The following SAMD3 variants were observed in gnomAD, a reference collection of about 807,000 sequenced individuals.
SAMD3 encodes sterile alpha motif domain-containing protein 3.
Under a neutral mutation model 58.5 loss-of-function variants are expected in SAMD3, and 63 were observed. That is an observed-to-expected ratio of 1.08 (90% CI 0.88 to 1.33). The LOEUF (loss-of-function observed/expected upper bound fraction) is 1.33. Ranked by LOEUF, SAMD3 falls within the 40% of genes most tolerant of loss-of-function variation. SAMD3 has a pLI of 0.00. For missense variants in SAMD3, 604 were observed against 608.4 expected, an observed-to-expected ratio of 0.99 and a Z score of 0.08; for synonymous variants, 220 against 210.3, an observed-to-expected ratio of 1.05 and a Z score of -0.40.
At chr6:130,290,247 A>C (rs894383661) in intron 2 of SAMD3, among the ~76,000 whole-genome samples, 2 of 152,172 alleles carry the variant, frequency 1.3e-5, no homozygotes, top group Admixed American at 1.3e-4. Flanking sequence ...AAATCCATAA[A>C]CAGGAGAGCA....
At chr6:130,168,647 A>T (rs889930802) in intron 8 of SAMD3, among the ~76,000 whole-genome samples, 9 of 151,946 alleles carry the variant, frequency 5.9e-5, no homozygotes, top group Admixed American at 1.3e-4. Flanking sequence ...GAATGGCCAG[A>T]CTCCTGTGTC....
intron 9 of SAMD3, among the ~76,000 whole-genome samples, chr6:130,152,023 GCC>G (rs1491217714): frequency 6.6e-6 from 1 of 152,026 alleles, no homozygotes; most frequent in African/African-American, 2.4e-5. Context: ...ATTTTTAAAT[GCC>G]TTGTTGAAAG....
chr6:130,245,338 A>G (rs961519935), intron 2 of SAMD3, among the ~76,000 whole-genome samples: 1 of 152,232 alleles, frequency 6.6e-6, no homozygotes, highest in African/African-American at 2.4e-5. Flanking sequence ...TGACACTTTT[A>G]TATTTCATCT....
intron 2 of SAMD3, among the ~76,000 whole-genome samples, chr6:130,277,596 G>C (rs112189244): frequency 6.6e-6 from 1 of 151,976 alleles, no homozygotes; most frequent in Non-Finnish European, 1.5e-5. Flanking sequence ...TATAACTCCT[G>C]TTCATCCTTA....
At chr6:130,184,754 A>G in intron 5 of SAMD3, 131 bp from the exon 6 acceptor site, 1 of 657,592 alleles carries the variant, frequency 1.5e-6, no homozygotes, top group South Asian at 2.2e-5. Context: ...TCATCAAGCC[A>G]TCTTCCATCC....
In SAMD3 at chr6:130,184,180, T is replaced by C; in HGVS notation, c.577A>G (p.Ser193Gly). ...ACCACGTCATTGTACTGCTGGGTGCTGGGGTACCTGTTCACCAAAACAAGG... is the reference window on the plus strand; with the variant it reads ...ACCACGTCATTGTACTGCTGGGTGCCGGGGTACCTGTTCACCAAAACAAGG... ...TKYLEGSLYP[S>G]TQQYNDVVNA... The change falls in exon 7 of 12, where the codon AGC (serine) becomes GGC (glycine). Residue 193 changes from serine (S) to glycine (G), a missense_variant. By Grantham distance (56) the Ser-to-Gly change is moderately conservative. Coordinates refer to ENST00000439090, the MANE Select transcript of SAMD3 (RefSeq NM_001017373.4). 1 of 1,606,184 alleles carries C rather than the reference T, an allele frequency of 6.2e-7. No homozygotes were observed. The highest frequency in any genetic ancestry group is 8.5e-7 in the Non-Finnish European group (1 of 1,174,944).
At chr6:130,159,616 G>C (rs1378643163) in intron 8 of SAMD3, 1 of 152,138 alleles carries the variant, frequency 6.6e-6, no homozygotes, top group Non-Finnish European at 1.5e-5. Context: ...CAGAAGCACT[G>C]ATCATAAGAC....
intron 2 of SAMD3, among the ~76,000 whole-genome samples, chr6:130,310,741 G>C (rs1299968533): frequency 6.6e-6 from 1 of 152,158 alleles, no homozygotes; most frequent in Non-Finnish European, 1.5e-5. Flanking sequence ...TATCTCAGAG[G>C]CTTAAGGATC....
At chr6:130,252,402 T>C (rs1773769295) in intron 2 of SAMD3, among the ~76,000 whole-genome samples, 1 of 152,184 alleles carries the variant, frequency 6.6e-6, no homozygotes, top group Non-Finnish European at 1.5e-5. Flanking sequence ...CTGAAATAGA[T>C]ATTTGTTCAT....
intron 9 of SAMD3, among the ~76,000 whole-genome samples, chr6:130,151,733 G>T (rs1789210106): frequency 6.6e-6 from 1 of 152,160 alleles, no homozygotes; most frequent in African/African-American, 2.4e-5. Context: ...GAGCCACCAT[G>T]CCTGGCCGAT....
chr6:130,215,238 C>T lies in SAMD3; in HGVS notation c.36G>A (p.Trp12Ter), dbSNP rs1795931976. 3 of 1,611,434 alleles carry T rather than the reference C, an allele frequency of 1.9e-6. No homozygotes were observed. Among genetic ancestry groups the T allele is most frequent in the South Asian group, 2.2e-5 (2 of 90,840 alleles). ...ETWSVEQVCS[W>*]LVEKNLGELV... ...GCTCTCCTAAATTTTTCTCCACCAA[C>T]CAACTGCAGACCTGCTCAACTGACC... Residue 12 changes from tryptophan (W) to a stop codon, truncating the protein, a stop_gained, in exon 3 of 12, where the codon TGG becomes TGA. Transcript: ENST00000439090. LOFTEE classifies it high-confidence loss of function.
At chr6:130,189,281 G>A (rs1052109335) in intron 5 of SAMD3, among the ~76,000 whole-genome samples, 5 of 152,026 alleles carry the variant, frequency 3.3e-5, no homozygotes, top group South Asian at 2.1e-4. Context: ...CTGAGATGAC[G>A]GGATTGGTAT....
intron 7 of SAMD3, among the ~76,000 whole-genome samples, chr6:130,178,274 G>T (rs897595313): frequency 6.6e-6 from 1 of 151,968 alleles, no homozygotes; most frequent in African/African-American, 2.4e-5. Context: ...CCACGCGCCC[G>T]GCTGGCCCAA....
intron 2 of SAMD3, among the ~76,000 whole-genome samples, chr6:130,273,630 C>T (rs1217703236): frequency 6.7e-6 from 1 of 149,014 alleles, no homozygotes. Context: ...AGTCTTTATT[C>T]TCTTTCTCTT....
At chr6:130,318,591 G>T (rs897992277) in intron 1 of SAMD3, among the ~76,000 whole-genome samples, 1 of 152,046 alleles carries the variant, frequency 6.6e-6, no homozygotes, top group South Asian at 2.1e-4. Context: ...ACCATGCTCA[G>T]CTAATTTTTG....
intron 2 of SAMD3, among the ~76,000 whole-genome samples, chr6:130,259,160 A>G (rs1419677302): frequency 6.6e-6 from 1 of 152,110 alleles, no homozygotes; most frequent in East Asian, 1.9e-4. Flanking sequence ...GAGCAAAGAA[A>G]CCCTTAAGTT....
At chr6:130,274,174 G>A (rs1297747851) in intron 2 of SAMD3, among the ~76,000 whole-genome samples, 2 of 152,154 alleles carry the variant, frequency 1.3e-5, no homozygotes. Flanking sequence ...TGGTATACAG[G>A]ATTTGTCTTT....
intron 1 of SAMD3, among the ~76,000 whole-genome samples, chr6:130,325,472 A>G (rs1776726185): frequency 1.3e-5 from 2 of 152,142 alleles, no homozygotes; most frequent in Non-Finnish European, 2.9e-5. Flanking sequence ...GACAGATTGG[A>G]TGATGCCCAC....
chr6:130,165,361 C>A (rs529385805), intron 8 of SAMD3, among the ~76,000 whole-genome samples: 36 of 152,112 alleles, frequency 2.4e-4, no homozygotes, highest in Non-Finnish European at 4.3e-4. Context: ...CAAGAAAACT[C>A]CATTGCAGTT....
Sources: allele counts gnomAD v4.1 joint callset (sites outside exome capture counted in the v4.1 genomes callset), GRCh38; gene constraint gnomAD v4.1.1; transcripts MANE v1.5; gene names NCBI Gene and HGNC (gene_info 2026-07-23, HGNC 2026-07-21).